The following GABBR1 variants were observed in gnomAD, a reference collection of about 807,000 sequenced individuals.
GABBR1 encodes the protein gamma-aminobutyric acid type B receptor subunit 1, also known as GABA-B receptor, R1 subunit.
GABBR1 carries 35 observed loss-of-function variants against 117.7 expected under a neutral mutation model. The observed-to-expected ratio is 0.30, with a 90% CI of 0.23 to 0.39. GABBR1 has a LOEUF of 0.39. GABBR1 is among the 10% of genes least tolerant of loss of function. The pLI is 1.00. For missense variants in GABBR1, 709 were observed against 1,241.8 expected (o/e 0.57, Z 6.45); for synonymous variants, 442 against 486.6 (o/e 0.91, Z 1.21).
At position 29,631,478 on chromosome 6, in the gene GABBR1, C is replaced by T. The variant is rs144789774; in HGVS notation, c.207G>A (p.Gly69=). ...CCTTGGGCCCCACCACCTCGCGCTCCCCCCGGCACACATACTCAATCTCAT... is the reference window on the plus strand; with the variant it reads ...CCTTGGGCCCCACCACCTCGCGCTCTCCCCGGCACACATACTCAATCTCAT... The part of the protein sequence containing the change: ...VDYEIEYVCR[G]EREVVGPKVR... Residue 69 remains glycine, a synonymous_variant, in exon 3 of 23, where the codon GGG becomes GGA. Transcript: ENST00000377034. The surrounding 1 kb of genome is among the most constrained non-coding windows in gnomAD (Gnocchi z 5.9). 119 of 1,614,194 alleles carry T rather than the reference C, an allele frequency of 7.4e-5. No individual in the cohort carries two copies. The African/African-American group carries it at 1.4e-3, about 18-fold the overall frequency.
rs764230248 is a variant in GABBR1 at position 29,605,000 on chromosome 6, GAC to G, written c.2440-14_2440-13del. On this transcript the variant is annotated splice_polypyrimidine_tract_variant and intron_variant, in intron 20 of 22. Transcript: ENST00000377034. This position sits in a 1 kb window ranked among gnomAD's most constrained non-coding sequence, Gnocchi z 5.3. ...ATGAGGCACAGGACCTAGAGGGAAAGACACATTGAGGGAGTCTCAGGTCTGCA... is the reference window on the plus strand; with the variant it reads ...ATGAGGCACAGGACCTAGAGGGAAAGACATTGAGGGAGTCTCAGGTCTGCA... 1.2e-6 allele frequency: 2 copies of G among 1,605,048 alleles called. No homozygotes were observed. The highest frequency in any genetic ancestry group is 1.1e-5 in the South Asian group (1 of 89,450).
chr6:29,608,789 GA>G, intron 15 of GABBR1, 56 bp from the exon 16 acceptor site: 1 of 1,581,056 alleles, frequency 6.3e-7, no homozygotes, highest in Non-Finnish European at 8.6e-7. Flanking sequence ...CTTCTCCAGG[GA>G]GGCTGAGCTC....
Position 29,611,849 on chromosome 6 carries a change from TAA to T in GABBR1, c.1630+700_1630+701del, listed in dbSNP as rs28383950. 1.7e-4 allele frequency among the ~76,000 whole-genome samples: 25 copies of T among 149,844 alleles called. No individual in the cohort carries two copies. Among genetic ancestry groups the T allele is most frequent in the African/African-American group, 6.1e-4 (25 of 41,016 alleles). Reference sequence around the variant, plus strand: ...AGCAAGGAAATTTGGCAGATTCCCTTAAAAAAAAAATAGCGGTTCTCCTAGAT... The same window carrying T: ...AGCAAGGAAATTTGGCAGATTCCCTTAAAAAAAATAGCGGTTCTCCTAGAT... On this transcript the variant is annotated intron_variant, in intron 13 of 22. Transcript: ENST00000377034. This position sits in a 1 kb window ranked among gnomAD's most constrained non-coding sequence, Gnocchi z 4.6.
rs1254990276 is a variant in GABBR1 at position 29,603,149 on chromosome 6, C to A, written c.*394G>T. 6.3e-6 allele frequency: 3 copies of A among 472,496 alleles called. No homozygotes were observed. The Admixed American group carries it at 7.0e-5, about 11-fold the overall frequency. The allele number at this position is 472,496 out of a possible 1,614,324, so 29.3% of individuals were successfully genotyped here. On this transcript the variant is annotated 3_prime_UTR_variant, in exon 23 of 23. Coordinates refer to ENST00000377034, the MANE Select transcript of GABBR1 (RefSeq NM_001470.4). Reference sequence around the variant, plus strand: ...GGTGGAAAGAGCACTTGTTGGGAGACCCCTGCTGGACAGGAACAGAGCACA... The same window carrying A: ...GGTGGAAAGAGCACTTGTTGGGAGAACCCTGCTGGACAGGAACAGAGCACA...
At position 29,624,087 on chromosome 6, in the gene GABBR1, G is replaced by T. The variant is rs3025626; in HGVS notation, c.658-63C>A. On this transcript the variant is annotated intron_variant, in intron 6 of 22. Transcript: ENST00000377034. ...GGCCCCTCCCCTGTCTGCAATTCCT[G>T]CTCTTATCTTTCTCGAACAAATTAG... 4 of 1,447,934 alleles carry T rather than the reference G, an allele frequency of 2.8e-6. No homozygotes were observed. The African/African-American group carries it at 4.2e-5, about 15-fold the overall frequency. The allele number at this position is 1,447,934 out of a possible 1,614,324, so 89.7% of individuals were successfully genotyped here.
intron 11 of GABBR1, among the ~76,000 whole-genome samples, chr6:29,617,361 G>C (rs1427622012): frequency 7.2e-6 from 1 of 138,020 alleles, no homozygotes; most frequent in Admixed American, 7.9e-5. Context: ...GAGTGCAGTA[G>C]TGCGATCTTG....
chr6:29,627,770 C>T lies in GABBR1; in HGVS notation c.497-124G>A, dbSNP rs1233463887. The stretch of plus-strand genomic sequence containing the variant: ...AGCGGCAGTGGCCACCCCACCCGGG[C>T]AAAAGGGGCCCCGGGCCCCATGGCG... On this transcript the variant is annotated intron_variant, in intron 5 of 22. Transcript: ENST00000377034. The surrounding 1 kb of genome is among the most constrained non-coding windows in gnomAD (Gnocchi z 4.4). 8 of 1,469,326 alleles carry T rather than the reference C, an allele frequency of 5.4e-6. No individual in the cohort carries two copies. Among genetic ancestry groups the T allele is most frequent in the Admixed American group, 2.6e-5 (1 of 38,856 alleles). 91.0% of individuals were successfully genotyped at this position (1,469,326 alleles called of 1,614,324 possible). A position where few individuals can be genotyped will look rare whatever the true frequency, so the allele number is the denominator to read the frequency against.
Position 29,630,497 on chromosome 6 carries a change from T to C in GABBR1, c.436A>G (p.Ser146Gly). 2 of 1,613,000 alleles carry C rather than the reference T, an allele frequency of 1.2e-6. No individual in the cohort carries two copies. Among genetic ancestry groups the C allele is most frequent in the Non-Finnish European group, 1.7e-6 (2 of 1,180,004 alleles). The change falls in exon 4 of 23, where the codon AGT becomes GGT. Residue 146 changes from serine to glycine, a missense_variant. Transcript: ENST00000377034. This position sits in a 1 kb window ranked among gnomAD's most constrained non-coding sequence, Gnocchi z 4.9. ...HLVGSSRSIC[S>G]QGQWSTPKPH... Reference sequence around the variant, plus strand: ...TTGGGGGTGCTCCACTGGCCCTGACTACAGATGCTCCGGGAGCTGCCCACC... The same window carrying C: ...TTGGGGGTGCTCCACTGGCCCTGACCACAGATGCTCCGGGAGCTGCCCACC...
In GABBR1 at chr6:29,630,804, A is replaced by G. The variant is rs113882072; in HGVS notation, c.290-161T>C. Among the ~76,000 whole-genome samples the G allele has an allele frequency of 5.7e-4, 87 of 152,044 alleles. No individual in the cohort carries two copies. Among genetic ancestry groups the G allele is most frequent in the Non-Finnish European group, 1.1e-3 (78 of 68,008 alleles). The stretch of plus-strand genomic sequence containing the variant: ...CCTACCTATCTTCCAATCCTCCCTT[A>G]CCTGTGCAAGCATCCACACATTCCC... On this transcript the variant is annotated intron_variant, in intron 3 of 22. Transcript: ENST00000377034. The surrounding 1 kb of genome is among the most constrained non-coding windows in gnomAD (Gnocchi z 4.9).
At position 29,604,473 on chromosome 6, in the gene GABBR1, C is replaced by T. The variant is rs1317809494; in HGVS notation, c.2712+21G>A. The T allele has an allele frequency of 6.2e-7, 1 of 1,613,268 alleles. No homozygotes were observed. The highest frequency in any genetic ancestry group is 1.7e-5 in the Admixed American group (1 of 60,022). ...CCTCCTGGACCACTCCAACACCCTA[C>T]CCTGACACCCACCCCCGCACCTCAG... On this transcript the variant is annotated intron_variant, in intron 22 of 22. Transcript: ENST00000377034. The surrounding 1 kb of genome is among the most constrained non-coding windows in gnomAD (Gnocchi z 5.3).
intron 11 of GABBR1, among the ~76,000 whole-genome samples, chr6:29,614,339 ACTT>A (rs1459030231): frequency 6.6e-6 from 1 of 152,226 alleles, no homozygotes; most frequent in African/African-American, 2.4e-5. Context: ...CTTAGCAACT[ACTT>A]CTTGGGAAAC....
intron 11 of GABBR1, among the ~76,000 whole-genome samples, chr6:29,614,913 T>G (rs1212230140): frequency 4.9e-5 from 7 of 142,270 alleles, no homozygotes; most frequent in African/African-American, 1.9e-4. Flanking sequence ...TAGAAGGCTA[T>G]GCATGTGGGA....
In GABBR1 at chr6:29,627,794, C is replaced by A; in HGVS notation, c.497-148G>T. Reference sequence around the variant, plus strand: ...GCAAAAGGGGCCCCGGGCCCCATGGCGTGGGGGGCAGGGGTAGCTGTTGGG... The same window carrying A: ...GCAAAAGGGGCCCCGGGCCCCATGGAGTGGGGGGCAGGGGTAGCTGTTGGG... On this transcript the variant is annotated intron_variant, in intron 5 of 22. Transcript: ENST00000377034. This position sits in a 1 kb window ranked among gnomAD's most constrained non-coding sequence, Gnocchi z 4.4. The A allele has an allele frequency of 1.4e-6, 2 of 1,441,554 alleles. No homozygotes were observed. The highest frequency in any genetic ancestry group is 2.8e-5 in the Admixed American group (1 of 35,814). 89.3% of individuals were successfully genotyped at this position (1,441,554 alleles called of 1,614,324 possible).
chr6:29,632,294 G>T lies in GABBR1; in HGVS notation c.85+7C>A, dbSNP rs1432404017. On this transcript the variant is annotated splice_region_variant and intron_variant, in intron 2 of 22. Transcript: ENST00000377034. The surrounding 1 kb of genome is among the most constrained non-coding windows in gnomAD (Gnocchi z 5.8). ...GGAGGGCCGGAGGTCGTCGAAGAAG[G>T]ATGCACCTTCTGAGGTGGCGTTGGG... 2 of 1,381,694 alleles carry T rather than the reference G, an allele frequency of 1.4e-6. No individual in the cohort carries two copies. Among genetic ancestry groups the T allele is most frequent in the Non-Finnish European group, 1.9e-6 (2 of 1,064,050 alleles). 85.6% of individuals were successfully genotyped at this position (1,381,694 alleles called of 1,614,324 possible). A position where few individuals can be genotyped will look rare whatever the true frequency, so the allele number is the denominator to read the frequency against.
In GABBR1 at chr6:29,623,540, G is replaced by T; in HGVS notation, c.793-65C>A. 6.6e-7 allele frequency: 1 copy of T among 1,514,278 alleles called. No homozygotes were observed. The highest frequency in any genetic ancestry group is 9.1e-7 in the Non-Finnish European group (1 of 1,103,232). 93.8% of individuals were successfully genotyped at this position (1,514,278 alleles called of 1,614,324 possible). On this transcript the variant is annotated intron_variant, in intron 7 of 22. Coordinates refer to ENST00000377034, the MANE Select transcript of GABBR1 (RefSeq NM_001470.4). The surrounding 1 kb of genome is among the most constrained non-coding windows in gnomAD (Gnocchi z 6.2). ...CTGAGGACACCAAGAGTGGCCAAGA[G>T]TTCCTTTAACCCTCTTCCTGCCTTT...
chr6:29,623,860 C>T lies in GABBR1; in HGVS notation c.792+30G>A, dbSNP rs755819907. On this transcript the variant is annotated intron_variant, in intron 7 of 22. Coordinates refer to ENST00000377034, the MANE Select transcript of GABBR1 (RefSeq NM_001470.4). The surrounding 1 kb of genome is among the most constrained non-coding windows in gnomAD (Gnocchi z 6.2). ...CAGTAGAGCTCAAAAGGGAATGACC[C>T]CATCTTCTGACCCCCATAGCCCTGC... is the stretch of plus-strand genomic sequence containing the variant. The T allele has an allele frequency of 7.5e-6, 12 of 1,605,816 alleles. No individual in the cohort carries two copies. In the Admixed American group the frequency reaches 1.9e-4, roughly 25 times the overall value.
At chr6:29,626,716 G>T (rs889704354) in intron 6 of GABBR1, among the ~76,000 whole-genome samples, 1 of 151,540 alleles carries the variant, frequency 6.6e-6, no homozygotes, top group African/African-American at 2.4e-5. Flanking sequence ...CTACCTCCTT[G>T]CCCCTCTCCC....
chr6:29,606,614 G>T lies in GABBR1; in HGVS notation c.2218-130C>A. ...ATGCTGATGCCAAATCTCATTCTAG[G>T]CCTAAGAATGTTTTCCTGAACCCTT... is the stretch of plus-strand genomic sequence containing the variant. On this transcript the variant is annotated intron_variant, in intron 18 of 22. Transcript: ENST00000377034. This position sits in a 1 kb window ranked among gnomAD's most constrained non-coding sequence, Gnocchi z 4.5. 1.4e-6 allele frequency: 1 copy of T among 722,168 alleles called. No individual in the cohort carries two copies. The highest frequency in any genetic ancestry group is 2.5e-6 in the Non-Finnish European group (1 of 408,138). 44.7% of individuals were successfully genotyped at this position (722,168 alleles called of 1,614,324 possible).
Position 29,621,749 on chromosome 6 carries a change from C to T in GABBR1, c.1131+3G>A. The T allele has an allele frequency of 1.2e-6, 2 of 1,614,012 alleles. No individual in the cohort carries two copies. Among genetic ancestry groups the T allele is most frequent in the African/African-American group, 1.3e-5 (1 of 75,026 alleles). ...GCCCCTCCCTCTTCAGATCCAACTC[C>T]ACCTCACAAAAAACTTTCCGGGCTT... On this transcript the variant is annotated splice_donor_region_variant and intron_variant, in intron 10 of 22. Coordinates refer to ENST00000377034, the MANE Select transcript of GABBR1 (RefSeq NM_001470.4). The surrounding 1 kb of genome is among the most constrained non-coding windows in gnomAD (Gnocchi z 5.0).
Sources: gnomAD v4.1 joint callset for allele counts (sites outside exome capture counted in the v4.1 genomes callset) on GRCh38, gnomAD v4.1.1 for gene constraint, Gnocchi (gnomAD v3.1) non-coding constraint, MANE v1.5 for transcripts, NCBI Gene and HGNC (gene_info 2026-07-23, HGNC 2026-07-21) for gene names.